The following KCNMA1 variants were observed in gnomAD, a reference collection of about 807,000 sequenced individuals.
KCNMA1 encodes Calcium-activated potassium channel subunit alpha-1.
A neutral mutation model predicts 140.0 loss-of-function variants in KCNMA1; 29 were observed. The ratio of observed to expected loss-of-function variants is 0.21; its 90% CI spans 0.15 to 0.28. The LOEUF (loss-of-function observed/expected upper bound fraction) is 0.28. Ranked by LOEUF, KCNMA1 falls within the 10% of genes least tolerant of loss-of-function variation. KCNMA1 has a pLI of 1.00. For synonymous variants in KCNMA1, 612 were observed against 611.9 expected (o/e 1.00, Z 0.00); for missense variants, 880 against 1,602.2 (o/e 0.55, Z 7.70).
At chr10:77,388,828 G>A (rs2095707318) in intron 2 of KCNMA1, among the ~76,000 whole-genome samples, 1 of 152,158 alleles carries the variant, frequency 6.6e-6, no homozygotes, top group Admixed American at 6.5e-5. Context: ...CTAGAAGGGT[G>A]GCTTGCTGAA....
chr10:76,932,103 T>A (rs1431501006), intron 23 of KCNMA1, among the ~76,000 whole-genome samples: 1 of 152,186 alleles, frequency 6.6e-6, no homozygotes, highest in Non-Finnish European at 1.5e-5. Context: ...GTTGTGAAGG[T>A]TGGGCACTAC....
intron 18 of KCNMA1, among the ~76,000 whole-genome samples, chr10:77,010,816 G>A (rs2090530062): frequency 6.6e-6 from 1 of 151,810 alleles, no homozygotes; most frequent in Non-Finnish European, 1.5e-5. Flanking sequence ...GCTTCTGCTT[G>A]TGAACAAGGA....
At chr10:77,161,008 C>G (rs2154078083) in intron 5 of KCNMA1, among the ~76,000 whole-genome samples, 1 of 152,356 alleles carries the variant, frequency 6.6e-6, no homozygotes, top group South Asian at 2.1e-4. Context: ...CTAAAAGGCC[C>G]AGTCCCTCCA....
chr10:77,480,271 G>C (rs1055517355), intron 1 of KCNMA1, among the ~76,000 whole-genome samples: 1 of 152,208 alleles, frequency 6.6e-6, no homozygotes, highest in Admixed American at 6.5e-5. Flanking sequence ...GCATAGGGCT[G>C]GCCCTGCCCG....
At chr10:76,944,588 A>G in intron 23 of KCNMA1, among the ~76,000 whole-genome samples, 185 bp downstream of exon 23, 1 of 152,192 alleles carries the variant, frequency 6.6e-6, no homozygotes, top group East Asian at 1.9e-4. Flanking sequence ...CCAGGTCTCA[A>G]GCCTGCATTC....
At chr10:77,170,746 G>T (rs948302124) in intron 5 of KCNMA1, among the ~76,000 whole-genome samples, 3 of 152,122 alleles carry the variant, frequency 2.0e-5, no homozygotes, top group African/African-American at 4.8e-5. Flanking sequence ...AACCAAATTG[G>T]CTCTAGACAA....
chr10:77,234,133 G>C (rs748733389), intron 3 of KCNMA1, among the ~76,000 whole-genome samples: 5 of 152,114 alleles, frequency 3.3e-5, no homozygotes, highest in Non-Finnish European at 7.3e-5. Flanking sequence ...CCCTAATCAA[G>C]AAGCAAGCAG....
At chr10:77,025,499 A>T in intron 16 of KCNMA1, 1 of 1,531,976 alleles carries the variant, frequency 6.5e-7, no homozygotes, top group Non-Finnish European at 9.0e-7. Flanking sequence ...AAACAATTTG[A>T]TAATAAATCG....
intron 1 of KCNMA1, among the ~76,000 whole-genome samples, chr10:77,573,936 C>G (rs2072995795): frequency 6.6e-6 from 1 of 151,400 alleles, no homozygotes; most frequent in South Asian, 2.1e-4. Flanking sequence ...CTCCCAGGCT[C>G]AAGTGATTCT....
At chr10:77,468,414 G>A (rs2098081045) in intron 1 of KCNMA1, among the ~76,000 whole-genome samples, 1 of 152,144 alleles carries the variant, frequency 6.6e-6, no homozygotes, top group African/African-American at 2.4e-5. Flanking sequence ...ACCTCAGAAT[G>A]GGATGTATTC....
At chr10:77,120,856 CT>C (rs1361942245) in intron 6 of KCNMA1, 116 bp downstream of exon 6, 1 of 711,552 alleles carries the variant, frequency 1.4e-6, no homozygotes, top group Non-Finnish European at 2.5e-6. Flanking sequence ...TTAGATCACT[CT>C]TTCTGTGAAT....
At chr10:77,309,503 A>G (rs542345523) in intron 2 of KCNMA1, 11 of 152,374 alleles carry the variant, frequency 7.2e-5, no homozygotes, top group South Asian at 2.1e-4. Context: ...AAAGACACCA[A>G]TGCTTTTCAT....
intron 18 of KCNMA1, among the ~76,000 whole-genome samples, chr10:77,006,606 T>C (rs1446965609): frequency 6.6e-6 from 1 of 152,136 alleles, no homozygotes; most frequent in African/African-American, 2.4e-5. Flanking sequence ...TTCCAGGTGG[T>C]TTTCCAAAAA....
At chr10:77,463,277 G>A (rs2097912853) in intron 1 of KCNMA1, among the ~76,000 whole-genome samples, 1 of 152,182 alleles carries the variant, frequency 6.6e-6, no homozygotes, top group African/African-American at 2.4e-5. Flanking sequence ...ACAGTGGGAA[G>A]GTGAAGGGCT....
intron 2 of KCNMA1, among the ~76,000 whole-genome samples, chr10:77,398,686 G>A (rs1338175208): frequency 6.6e-6 from 1 of 152,164 alleles, no homozygotes; most frequent in Non-Finnish European, 1.5e-5. Flanking sequence ...GGCTGTTTGT[G>A]GCTGCTTTCA....
At chr10:76,984,651 T>C (rs1479124608) in intron 19 of KCNMA1, among the ~76,000 whole-genome samples, 1 of 152,222 alleles carries the variant, frequency 6.6e-6, no homozygotes, top group Admixed American at 6.5e-5. Context: ...AGATATTAGA[T>C]TAAAATGGGA....
At chr10:77,325,803 TC>T (rs2083948599) in intron 2 of KCNMA1, among the ~76,000 whole-genome samples, 1 of 152,164 alleles carries the variant, frequency 6.6e-6, no homozygotes, top group African/African-American at 2.4e-5. Flanking sequence ...CTGCAGAGTC[TC>T]CCCAGTTAGA....
chr10:77,418,586 T>A (rs182592998), intron 1 of KCNMA1, among the ~76,000 whole-genome samples: 4 of 152,150 alleles, frequency 2.6e-5, no homozygotes, highest in African/African-American at 9.6e-5. Flanking sequence ...CCTGTCCCCA[T>A]CTCCAGACCT....
At chr10:77,353,919 C>G (rs906905991) in intron 2 of KCNMA1, among the ~76,000 whole-genome samples, 1 of 147,724 alleles carries the variant, frequency 6.8e-6, no homozygotes, top group African/African-American at 2.5e-5. Flanking sequence ...CTCAGGCAGC[C>G]TGGCTACAGG....
Sources: gnomAD v4.1 joint callset for allele counts (sites outside exome capture counted in the v4.1 genomes callset) on GRCh38, gnomAD v4.1.1 for gene constraint, MANE v1.5 for transcripts, NCBI Gene and HGNC (gene_info 2026-07-23, HGNC 2026-07-21) for gene names.